Variants in PCSK7 observed in about 807,000 individuals in gnomAD.
PCSK7 encodes the protein proprotein convertase subtilisin/kexin type 7.
A neutral mutation model predicts 73.3 loss-of-function variants in PCSK7; 38 were observed. The ratio of observed to expected loss-of-function variants is 0.52; its 90% CI spans 0.40 to 0.68. PCSK7 has a LOEUF of 0.68. PCSK7 is among the 30% of genes least tolerant of loss of function. PCSK7 has a pLI of 0.00. For missense variants in PCSK7, 692 were observed against 991.5 expected (o/e 0.70, Z 4.06); for synonymous variants, 296 against 383.8 (o/e 0.77, Z 2.68).
Position 117,230,063 on chromosome 11 carries a change from T to C in PCSK7, c.-12-207A>G, listed in dbSNP as rs2032585172. 7.0e-5 allele frequency: 34 copies of C among 488,720 alleles called. No individual in the cohort carries two copies. The South Asian group carries it at 1.2e-3, about 18-fold the overall frequency. The allele number at this position is 488,720 out of a possible 1,614,324, so 30.3% of individuals were successfully genotyped here. A position where few individuals can be genotyped will look rare whatever the true frequency, so the allele number is the denominator to read the frequency against. ...CCCCAGGTGGAGTGTGGGCCAGCAC[T>C]AACACCAGCGGATGGCCTCCCACAG... is the stretch of plus-strand genomic sequence containing the variant. On this transcript the variant is annotated intron_variant, in intron 2 of 16. Coordinates refer to ENST00000320934, the MANE Select transcript of PCSK7 (RefSeq NM_004716.4).
chr11:117,223,100 C>A, intron 9 of PCSK7, 108 bp downstream of exon 9: 1 of 751,456 alleles, frequency 1.3e-6, no homozygotes, highest in Non-Finnish European at 2.4e-6. Flanking sequence ...GAAGAGGAGC[C>A]TGAGTGTTGG....
chr11:117,230,999 G>C (rs972083699), intron 1 of PCSK7: 2 of 150,998 alleles, frequency 1.3e-5, no homozygotes, highest in East Asian at 1.9e-4. Context: ...TCAGACTCCA[G>C]ACTGGGACTC....
At position 117,224,718 on chromosome 11, in the gene PCSK7, G is replaced by C. The variant is rs753265718; in HGVS notation, c.898C>G (p.Pro300Ala). The change falls in exon 7 of 17, where the codon CCC (proline) becomes GCC (alanine). Residue 300 changes from proline to alanine, a missense_variant. By Grantham distance (27) the Pro-to-Ala change is conservative. This residue lies in a region of PCSK7 where 574 missense variants were observed against 689.8 expected (regional missense o/e 0.83). Transcript: ENST00000320934. ...PDDDGKTVDG[P>A]HQLGKAALQH... ...CCAGTTACCTTTCCAAGCTGATGGGGGCCATCCACTGTCTTCCCATCGTCA... is the reference window on the plus strand; with the variant it reads ...CCAGTTACCTTTCCAAGCTGATGGGCGCCATCCACTGTCTTCCCATCGTCA... 1.2e-6 allele frequency: 2 copies of C among 1,613,540 alleles called. No individual in the cohort carries two copies. The highest frequency in any genetic ancestry group is 1.7e-6 in the Non-Finnish European group (2 of 1,179,548).
At chr11:117,212,181 C>A (rs528933709) in intron 12 of PCSK7, 1 of 151,870 alleles carries the variant, frequency 6.6e-6, no homozygotes, top group African/African-American at 2.4e-5. Context: ...TCCCCAGAAG[C>A]AAACTTTTTT....
intron 12 of PCSK7, chr11:117,217,571 A>G (rs1423737846): frequency 6.6e-6 from 1 of 152,124 alleles, no homozygotes; most frequent in African/African-American, 2.4e-5. Context: ...TGAAACCTTC[A>G]CCTGAGGGAA....
Position 117,227,280 on chromosome 11 carries a change from G to T in PCSK7, c.646C>A (p.Pro216Thr), listed in dbSNP as rs1465312731. ...TTCTCCACATCCGGGTGGGGCATGG[G>T]GTCAGGGTCATTAGAGTTGAGGTCA... ...SYDLNSNDPD[P>T]MPHPDVENGN... The change falls in exon 5 of 17, where the codon CCC (proline) becomes ACC (threonine). Residue 216 changes from proline (P) to threonine (T), a missense_variant. Transcript: ENST00000320934. 2 of 1,613,554 alleles carry T rather than the reference G, an allele frequency of 1.2e-6. No individual in the cohort carries two copies. Among genetic ancestry groups the T allele is most frequent in the Non-Finnish European group, 1.7e-6 (2 of 1,179,620 alleles).
chr11:117,223,591 C>G lies in PCSK7; in HGVS notation c.1055-283G>C, dbSNP rs1450945026. The G allele has an allele frequency of 4.6e-5, 22 of 477,972 alleles. No individual in the cohort carries two copies. In the Admixed American group the frequency reaches 7.9e-4, roughly 17 times the overall value. The allele number at this position is 477,972 out of a possible 1,614,324, so 29.6% of individuals were successfully genotyped here. ...ACCCACTTATTCATTCACATGCTTA[C>G]TGTTTTCAACATTCATTACCCATCT... On this transcript the variant is annotated intron_variant, in intron 8 of 16. Transcript: ENST00000320934.
chr11:117,229,786 C>A lies in PCSK7; in HGVS notation c.59G>T (p.Cys20Phe), dbSNP rs541315004. ...GAGCCCGGCTAATTCCAGCCAGAGGCAGGTGGGCAGGCCCAGGGGGGCATC... is the reference window on the plus strand; with the variant it reads ...GAGCCCGGCTAATTCCAGCCAGAGGAAGGTGGGCAGGCCCAGGGGGGCATC... ...HLDAPLGLPT[C>F]LWLELAGLFL... The change falls in exon 3 of 17, where the codon TGC (cysteine) becomes TTC (phenylalanine). Residue 20 changes from cysteine to phenylalanine, a missense_variant. Physicochemically the swap from Cys to Phe is radical, Grantham distance 205. Transcript: ENST00000320934. 1.2e-5 allele frequency: 19 copies of A among 1,610,082 alleles called. No homozygotes were observed. Among genetic ancestry groups the A allele is most frequent in the Admixed American group, 3.3e-5 (2 of 59,750 alleles).
chr11:117,227,373 AG>A (rs1565318348), intron 4 of PCSK7, 51 bp from the exon 5 acceptor site: 6 of 1,405,314 alleles, frequency 4.3e-6, no homozygotes, highest in Non-Finnish European at 6.1e-6. Flanking sequence ...AGAGGGGATC[AG>A]GTCCTGGGGT....
Position 117,223,505 on chromosome 11 carries a change from G to A in PCSK7, c.1055-197C>T. 6.9e-6 allele frequency: 4 copies of A among 583,320 alleles called. No homozygotes were observed. In the South Asian group the frequency reaches 8.4e-5, roughly 12 times the overall value. 36.1% of individuals were successfully genotyped at this position (583,320 alleles called of 1,614,324 possible). A position where few individuals can be genotyped will look rare whatever the true frequency, so the allele number is the denominator to read the frequency against. On this transcript the variant is annotated intron_variant, in intron 8 of 16. Coordinates refer to ENST00000320934, the MANE Select transcript of PCSK7 (RefSeq NM_004716.4). ...AGTCTCAAGTGGCAGAGGGCATTCT[G>A]TGCCGCAATACCATTCTTTCAGTAG... is the stretch of plus-strand genomic sequence containing the variant.
rs200006739 is a variant in PCSK7, at chr11:117,227,119, G to T, written c.769+38C>A. The T allele has an allele frequency of 3.2e-5, 49 of 1,532,482 alleles. No individual in the cohort carries two copies. The African/African-American group carries it at 5.7e-4, about 18-fold the overall frequency. The allele number at this position is 1,532,482 out of a possible 1,614,324, so 94.9% of individuals were successfully genotyped here. On this transcript the variant is annotated intron_variant, in intron 5 of 16. Coordinates refer to ENST00000320934, the MANE Select transcript of PCSK7 (RefSeq NM_004716.4). ...CAGGAAATGAAGACTGTGGTCACAG[G>T]AGCAGCCTACCAAGGCTAGGCTGGA... is the stretch of plus-strand genomic sequence containing the variant.
At chr11:117,224,272 C>T (rs559742385) in intron 7 of PCSK7, 56 bp from the exon 8 acceptor site, 2 of 1,580,730 alleles carry the variant, frequency 1.3e-6, no homozygotes, top group South Asian at 1.1e-5. Flanking sequence ...AGACCTCCGC[C>T]TACCACATCA....
At chr11:117,231,314 T>C (rs954799283) in intron 1 of PCSK7, 1 of 152,190 alleles carries the variant, frequency 6.6e-6, no homozygotes, top group Admixed American at 6.5e-5. Flanking sequence ...AAAATCTTCA[T>C]ACTACATTTC....
At chr11:117,220,749 T>C (rs1246973163) in intron 9 of PCSK7, 1 of 152,330 alleles carries the variant, frequency 6.6e-6, no homozygotes, top group Non-Finnish European at 1.5e-5. Flanking sequence ...GCTGGAATGA[T>C]GTCGGCGTGA....
At chr11:117,224,645 CGG>C (rs2134323709) in intron 7 of PCSK7, 54 bp downstream of exon 7, 1 of 1,382,924 alleles carries the variant, frequency 7.2e-7, no homozygotes, top group Non-Finnish European at 1.0e-6. Context: ...GCAGTTCTCC[CGG>C]GACTGTATGA....
Position 117,205,586 on chromosome 11 carries a change from G to C in PCSK7, c.*411C>G, listed in dbSNP as rs1455271797. 6 of 240,666 alleles carry C rather than the reference G, an allele frequency of 2.5e-5. No homozygotes were observed. Among genetic ancestry groups the C allele is most frequent in the Non-Finnish European group, 4.9e-5 (6 of 123,384 alleles). The allele number at this position is 240,666 out of a possible 1,614,324, so 14.9% of individuals were successfully genotyped here. ...GGCTCCTCCCAGCCTCTACCCCGAA[G>C]TCCTCTTCCCAAGTGACCCCAGTGA... On this transcript the variant is annotated 3_prime_UTR_variant, in exon 17 of 17. Transcript: ENST00000320934.
chr11:117,229,299 T>C, intron 3 of PCSK7, 78 bp downstream of exon 3: 1 of 1,067,556 alleles, frequency 9.4e-7, no homozygotes, highest in Non-Finnish European at 1.4e-6. Flanking sequence ...GACTGAAGAG[T>C]GATATAGTCA....
chr11:117,223,772 A>C (rs985150045), intron 8 of PCSK7: 3 of 403,258 alleles, frequency 7.4e-6, no homozygotes, highest in Non-Finnish European at 1.3e-5. Flanking sequence ...GCCTGTGGGG[A>C]GTCAGGGGAG....
In PCSK7 at chr11:117,229,421, T is replaced by C; in HGVS notation, c.424A>G (p.Ser142Gly). The C allele has an allele frequency of 6.2e-7, 1 of 1,609,342 alleles. No individual in the cohort carries two copies. The highest frequency in any genetic ancestry group is 2.2e-5 in the East Asian group (1 of 44,892). ...EQRLLRRAKR[S>G]VHFNDPKYPQ... ...TACTTGGGGTCGTTGAAGTGGACGC[T>C]GCGCTTGGCCCGCCTTAGCAGCCTC... Residue 142 changes from serine (S) to glycine (G), a missense_variant, in exon 3 of 17, where the codon AGC becomes GGC. Ser to Gly is a moderately conservative substitution (Grantham distance 56). Around this residue, in one of 6 missense-constraint regions of PCSK7, gnomAD observed 574 missense variants for 689.8 expected, o/e 0.83. Transcript: ENST00000320934.
Sources: allele counts gnomAD v4.1 joint callset, GRCh38; gene constraint gnomAD v4.1.1; regional missense constraint gnomAD v4.1.1; transcripts MANE v1.5; gene names NCBI Gene and HGNC (gene_info 2026-07-23, HGNC 2026-07-21).